GRIK2: variants seen among roughly 807,000 people sequenced by gnomAD.
GRIK2 encodes the protein glutamate receptor ionotropic, kainate 2.
A neutral mutation model predicts 100.3 loss-of-function variants in GRIK2; 32 were observed. The observed-to-expected ratio is 0.32, with a 90% confidence interval of 0.24 to 0.43. GRIK2 has a LOEUF of 0.43. Among genes scored for constraint, GRIK2 ranks in the 20% least tolerant of loss-of-function variants. The probability of loss-of-function intolerance (pLI) is 1.00; values close to 1 mark genes in which losing one functional copy is unlikely to be tolerated. For synonymous variants in GRIK2, 417 were observed against 389.4 expected, an observed-to-expected ratio of 1.07 and a Z score of -0.83; for missense variants, 843 against 1,114.9, an observed-to-expected ratio of 0.76 and a Z score of 3.47.
intron 2 of GRIK2, among the ~76,000 whole-genome samples, chr6:101,414,391 T>C (rs1322213395): frequency 2.6e-5 from 4 of 152,226 alleles, no homozygotes; most frequent in Admixed American, 1.3e-4. Context: ...TATATGATTA[T>C]ATATATGAAA....
intron 14 of GRIK2, among the ~76,000 whole-genome samples, chr6:102,004,560 A>C (rs899451833): frequency 3.3e-5 from 5 of 152,082 alleles, no homozygotes; most frequent in African/African-American, 1.2e-4. Context: ...TATGTTTCAA[A>C]GTTAAAATTA....
At chr6:101,854,951 T>C (rs1245934035) in intron 10 of GRIK2, among the ~76,000 whole-genome samples, 1 of 152,156 alleles carries the variant, frequency 6.6e-6, no homozygotes, top group Non-Finnish European at 1.5e-5. Context: ...GAGAAGATTC[T>C]CTTTAGATAG....
At chr6:102,018,609 C>T (rs992250010) in intron 14 of GRIK2, among the ~76,000 whole-genome samples, 1 of 152,046 alleles carries the variant, frequency 6.6e-6, no homozygotes, top group African/African-American at 2.4e-5. Context: ...ATTGAGGTTT[C>T]TACTCATGGA....
rs375655933 is a variant in GRIK2, at chr6:101,868,881, C to T, written c.1524+9388C>T. On this transcript the variant is annotated intron_variant, in intron 11 of 16. Coordinates refer to ENST00000369134, the MANE Select transcript of GRIK2 (RefSeq NM_021956.5). ...TCATTAAGCATTTTTGTGCCATTCA[C>T]ATTTTTAGGTACTGAGAAACATACA... Among the ~76,000 whole-genome samples the T allele has an allele frequency of 2.0e-5, 3 of 151,896 alleles. 1 individual carries two copies. In the South Asian group the frequency reaches 6.2e-4, roughly 32 times the overall value.
chr6:101,433,126 C>A (rs963822166), intron 2 of GRIK2, among the ~76,000 whole-genome samples: 3 of 152,102 alleles, frequency 2.0e-5, no homozygotes, highest in African/African-American at 7.2e-5. Context: ...CAGAAAATCC[C>A]AAGAGATTTT....
At position 101,760,647 on chromosome 6, in the gene GRIK2, TAA is replaced by T. The variant is rs1448187806; in HGVS notation, c.952-39000_952-38999del. On this transcript the variant is annotated intron_variant, in intron 7 of 16. Coordinates refer to ENST00000369134, the MANE Select transcript of GRIK2 (RefSeq NM_021956.5). ...ATGTTTAATTATATATAATTATATATAATTATATGTTTAATTATATATAATTA... is the reference window on the plus strand; with the variant it reads ...ATGTTTAATTATATATAATTATATATTTATATGTTTAATTATATATAATTA... 6.1e-5 allele frequency among the ~76,000 whole-genome samples: 5 copies of T among 81,368 alleles called. 1 individual carries two copies. The highest frequency in any genetic ancestry group is 3.0e-4 in the African/African-American group (5 of 16,530). 53.4% of individuals were successfully genotyped at this position (81,368 alleles called of 152,430 possible).
At chr6:101,521,331 A>C (rs971376020) in intron 2 of GRIK2, among the ~76,000 whole-genome samples, 1 of 152,026 alleles carries the variant, frequency 6.6e-6, no homozygotes, top group African/African-American at 2.4e-5. Flanking sequence ...TTGAAAATAA[A>C]ACTATTAAGA....
At chr6:101,918,979 T>C (rs573154142) in intron 12 of GRIK2, among the ~76,000 whole-genome samples, 1 of 151,622 alleles carries the variant, frequency 6.6e-6, no homozygotes, top group Non-Finnish European at 1.5e-5. Context: ...TAGAAGCCAG[T>C]TGGGTGAATT....
At chr6:101,977,798 T>G (rs753406094) in intron 14 of GRIK2, among the ~76,000 whole-genome samples, 3 of 152,046 alleles carry the variant, frequency 2.0e-5, no homozygotes, top group East Asian at 3.9e-4. Flanking sequence ...TAAGCCTTTT[T>G]TGACCGCACT....
At position 101,965,775 on chromosome 6, in the gene GRIK2, G is replaced by GGTAAA. The variant is rs202136808; in HGVS notation, c.2085+37147_2085+37151dup. Among the ~76,000 whole-genome samples, 677 of 151,930 alleles carry GGTAAA rather than the reference G, an allele frequency of 4.5e-3. 3 individuals carry two copies. The highest frequency in any genetic ancestry group is 0.015 in the African/African-American group (609 of 41,472). ...CCTCATTTGAGTAAATCTCAAATGA[G>GGTAAA]GTAAAGTATAGGAGGTAGGAGGAAG... On this transcript the variant is annotated intron_variant, in intron 14 of 16. Transcript: ENST00000369134.
chr6:101,418,822 A>C (rs1263593326), intron 2 of GRIK2, among the ~76,000 whole-genome samples: 2 of 152,224 alleles, frequency 1.3e-5, no homozygotes, highest in Non-Finnish European at 2.9e-5. Context: ...TATAAAATCC[A>C]AAATAAAATG....
intron 2 of GRIK2, among the ~76,000 whole-genome samples, chr6:101,555,133 C>T (rs1205293444): frequency 6.6e-6 from 1 of 152,178 alleles, no homozygotes; most frequent in African/African-American, 2.4e-5. Flanking sequence ...TTTCCTTCTC[C>T]ACCAGAGGTT....
chr6:101,819,087 T>G (rs1781798489), intron 10 of GRIK2, among the ~76,000 whole-genome samples: 1 of 152,160 alleles, frequency 6.6e-6, no homozygotes, highest in Non-Finnish European at 1.5e-5. Flanking sequence ...TTATATTTAT[T>G]TATATCTTTT....
intron 2 of GRIK2, among the ~76,000 whole-genome samples, chr6:101,507,101 T>A (rs775779100): frequency 1.3e-5 from 2 of 152,068 alleles, no homozygotes; most frequent in Non-Finnish European, 2.9e-5. Context: ...TTTGGAAAAA[T>A]TTATAACTGA....
At chr6:101,656,856 T>C (rs1769226845) in intron 4 of GRIK2, among the ~76,000 whole-genome samples, 1 of 152,214 alleles carries the variant, frequency 6.6e-6, no homozygotes, top group Admixed American at 6.5e-5. Context: ...CCAAAAATTG[T>C]TAACGGGAAA....
chr6:101,425,421 A>C (rs1039241421), intron 2 of GRIK2, among the ~76,000 whole-genome samples: 1 of 152,158 alleles, frequency 6.6e-6, no homozygotes. Flanking sequence ...TAATTTCTAT[A>C]ATTATATTGC....
chr6:101,792,878 C>A (rs962909719), intron 7 of GRIK2, among the ~76,000 whole-genome samples: 4 of 152,062 alleles, frequency 2.6e-5, no homozygotes, highest in Non-Finnish European at 5.9e-5. Context: ...TTCACATAGT[C>A]CCATATTTCT....
At position 101,874,747 on chromosome 6, in the gene GRIK2, T is replaced by C. The variant is rs569776203; in HGVS notation, c.1525-14893T>C. The stretch of plus-strand genomic sequence containing the variant: ...TCCATGAGCATGGAGTGTTCTTCCA[T>C]TTGTTTGTCTCCTCTTTTATTTCGT... On this transcript the variant is annotated intron_variant, in intron 11 of 16. Transcript: ENST00000369134. 2.1e-3 allele frequency among the ~76,000 whole-genome samples: 316 copies of C among 152,240 alleles called. 4 individuals carry two copies. In the South Asian group the frequency reaches 0.037, roughly 18 times the overall value.
intron 2 of GRIK2, among the ~76,000 whole-genome samples, chr6:101,403,790 G>A (rs1775457365): frequency 6.6e-6 from 1 of 152,154 alleles, no homozygotes; most frequent in South Asian, 2.1e-4. Flanking sequence ...GCGGGGATGG[G>A]GGAGTAATAG....
Sources: allele counts gnomAD v4.1 joint callset (sites outside exome capture counted in the v4.1 genomes callset), GRCh38; gene constraint gnomAD v4.1.1; transcripts MANE v1.5; gene names NCBI Gene and HGNC (gene_info 2026-07-23, HGNC 2026-07-21).